The following UBR4 variants were observed in gnomAD, a reference collection of about 807,000 sequenced individuals.
The protein encoded by UBR4 is ubiquitin protein ligase E3 component n-recognin 4, also known as E3 ubiquitin-protein ligase UBR4.
UBR4 carries 124 observed loss-of-function variants against 575.6 expected under a neutral mutation model. The observed-to-expected ratio is 0.22, with a 90% confidence interval of 0.19 to 0.25. The LOEUF (loss-of-function observed/expected upper bound fraction) is 0.25, where lower values mean the gene tolerates loss of function less well. UBR4 is among the 10% of genes least tolerant of loss of function. The pLI is 1.00. For synonymous variants in UBR4, 2,455 were observed against 2,473.7 expected, an observed-to-expected ratio of 0.99 and a Z score of 0.22; for missense variants, 4,818 against 6,478.8, an observed-to-expected ratio of 0.74 and a Z score of 8.80.
Position 19,164,337 on chromosome 1 carries a change from A to C in UBR4, c.4616T>G (p.Val1539Gly). 6.2e-7 allele frequency: 1 copy of C among 1,614,166 alleles called. No homozygotes were observed. Among genetic ancestry groups the C allele is most frequent in the Non-Finnish European group, 8.5e-7 (1 of 1,180,030 alleles). ...TGCACTGGCCAGAGTGGCCATCACA[A>C]CCATAAGTTCAGGGAAGCCAGTCCC... ...GDGTGFPELM[V>G]VMATLASAGQ... The change falls in exon 33 of 106, where the codon GTT becomes GGT. Residue 1539 changes from valine to glycine, a missense_variant. By Grantham distance (109) the Val-to-Gly change is moderately radical. Around this residue, in one of 29 missense-constraint regions of UBR4, gnomAD observed 1,172 missense variants for 1,259.7 expected, o/e 0.93. Coordinates refer to ENST00000375254, the MANE Select transcript of UBR4 (RefSeq NM_020765.3).
chr1:19,155,920 T>C (rs1357749651), intron 42 of UBR4, among the ~76,000 whole-genome samples: 1 of 152,182 alleles, frequency 6.6e-6, no homozygotes, highest in Non-Finnish European at 1.5e-5. Context: ...GTGCACTTGG[T>C]ACAGTGAGGG....
At chr1:19,147,615 CA>C (rs2085048648) in intron 51 of UBR4, among the ~76,000 whole-genome samples, 1 of 152,202 alleles carries the variant, frequency 6.6e-6, no homozygotes, top group Non-Finnish European at 1.5e-5. Flanking sequence ...CCAACAAGTA[CA>C]GTACACTTCT....
Position 19,152,400 on chromosome 1 carries a change from A to C in UBR4, c.6909T>G (p.Phe2303Leu), listed in dbSNP as rs766041424. 6.2e-7 allele frequency: 1 copy of C among 1,613,956 alleles called. No individual in the cohort carries two copies. The highest frequency in any genetic ancestry group is 8.5e-7 in the Non-Finnish European group (1 of 1,179,854). Residue 2303 changes from phenylalanine (F) to leucine (L), a missense_variant, in exon 47 of 106, where the codon TTT becomes TTG. Phe to Leu is a conservative substitution (Grantham distance 22). This residue lies in a region of UBR4 where 461 missense variants were observed against 606.9 expected (regional missense o/e 0.76). Transcript: ENST00000375254. This position sits in a 1 kb window ranked among gnomAD's most constrained non-coding sequence, Gnocchi z 4.4. ...EHNQQLTDVE[F>L]GGNDLLQVYN... ...AGACCTGTAGGAGGTCGTTACCACCAAACTCCACATCTGTCAGCTGCTGGT... is the reference window on the plus strand; with the variant it reads ...AGACCTGTAGGAGGTCGTTACCACCCAACTCCACATCTGTCAGCTGCTGGT...
In UBR4 at chr1:19,197,661, G is replaced by A; in HGVS notation, c.893+9C>T. 1.2e-6 allele frequency: 2 copies of A among 1,613,624 alleles called. No homozygotes were observed. Among genetic ancestry groups the A allele is most frequent in the Non-Finnish European group, 1.7e-6 (2 of 1,179,916 alleles). On this transcript the variant is annotated intron_variant, in intron 7 of 105. Coordinates refer to ENST00000375254, the MANE Select transcript of UBR4 (RefSeq NM_020765.3). ...AAAAGTAAAGCATGTGCACTGTGAA[G>A]CACCTTACCCATTACGAACAGCAGT... is the stretch of plus-strand genomic sequence containing the variant.
rs1027333234 is a variant in UBR4, at chr1:19,123,019, G to T, written c.9630C>A (p.Val3210=). The change falls in exon 66 of 106, where the codon GTC becomes GTA. Residue 3210 remains valine, a synonymous_variant. Transcript: ENST00000375254. ...CACAGATGAAGAGCAGAAGTTTGCG[G>T]ACTTGACGGCGCACAAATGGAGTCT... The part of the protein sequence containing the change: ...IQQTPFVRRQ[V]RKLLLFICGS... 1 of 1,614,210 alleles carries T rather than the reference G, an allele frequency of 6.2e-7. No homozygotes were observed. Among genetic ancestry groups the T allele is most frequent in the South Asian group, 1.1e-5 (1 of 91,082 alleles).
intron 1 of UBR4, among the ~76,000 whole-genome samples, chr1:19,209,839 G>A (rs1231221584): frequency 6.6e-6 from 1 of 152,218 alleles, no homozygotes; most frequent in Non-Finnish European, 1.5e-5. Flanking sequence ...CCCTCCCGCA[G>A]GGAGGCCGCT....
intron 31 of UBR4, 92 bp downstream of exon 31, chr1:19,165,157 T>C: frequency 6.8e-7 from 1 of 1,475,666 alleles, no homozygotes; most frequent in Non-Finnish European, 9.4e-7. Context: ...GTTAGCATTT[T>C]CATGCTGTAG....
chr1:19,141,289 A>G, intron 57 of UBR4, 58 bp downstream of exon 57: 1 of 1,611,890 alleles, frequency 6.2e-7, no homozygotes. Context: ...GTAACTGCCA[A>G]ACCCTCTTTT....
intron 92 of UBR4, 136 bp downstream of exon 92, chr1:19,096,387 C>T: frequency 7.2e-7 from 1 of 1,386,990 alleles, no homozygotes; most frequent in Non-Finnish European, 9.5e-7. Flanking sequence ...CTGCCAGGTC[C>T]TTCACTGGCT....
At chr1:19,091,035 G>A (rs561580088) in intron 97 of UBR4, among the ~76,000 whole-genome samples, 27 of 151,714 alleles carry the variant, frequency 1.8e-4, no homozygotes, top group African/African-American at 3.4e-4. Context: ...GGCAGAGGTT[G>A]CAGTGAGCCG....
chr1:19,151,455 T>G (rs1263132860), intron 48 of UBR4, 188 bp downstream of exon 48: 10 of 659,486 alleles, frequency 1.5e-5, no homozygotes, highest in Non-Finnish European at 2.7e-5. Context: ...GCTACCATGC[T>G]CCGGTGTACT....
chr1:19,149,888 G>C, intron 49 of UBR4: 3 of 1,000,576 alleles, frequency 3.0e-6, no homozygotes, highest in African/African-American at 1.7e-5. Flanking sequence ...TGTATGGATA[G>C]GGCATCGGGG....
In UBR4 at chr1:19,164,355, C is replaced by T. The variant is rs867679774; in HGVS notation, c.4598G>A (p.Gly1533Asp). 15 of 1,614,032 alleles carry T rather than the reference C, an allele frequency of 9.3e-6. No individual in the cohort carries two copies. Among genetic ancestry groups the T allele is most frequent in the African/African-American group, 1.3e-5 (1 of 74,938 alleles). Residue 1533 changes from glycine to aspartate, a missense_variant, in exon 33 of 106, where the codon GGC becomes GAC. By Grantham distance (94) the Gly-to-Asp change is moderately conservative. Transcript: ENST00000375254. ...CATCACAACCATAAGTTCAGGGAAG[C>T]CAGTCCCATCACCGTTGGCCAGCAT... Reference protein sequence around the residue: ...TEMLANGDGTGFPELMVVMAT... With the variant: ...TEMLANGDGTDFPELMVVMAT...
chr1:19,173,146 C>A (rs771091713), intron 24 of UBR4, 35 bp downstream of exon 24: 16 of 1,613,764 alleles, frequency 9.9e-6, no homozygotes, highest in Non-Finnish European at 1.2e-5. Flanking sequence ...ATGGTAGAAA[C>A]CAAGTTCTAT....
chr1:19,141,359 G>T lies in UBR4; in HGVS notation c.8476C>A (p.Gln2826Lys), dbSNP rs2149995750. 6.2e-7 allele frequency: 1 copy of T among 1,614,222 alleles called. No homozygotes were observed. Among genetic ancestry groups the T allele is most frequent in the Non-Finnish European group, 8.5e-7 (1 of 1,180,022 alleles). ...CATGGCCTTCTACCTTGTTGGTCCT[G>T]CTGCAGGCTCAGGGCAATGGCTAGT... ...VELAIALSLQ[Q>K]DQQGSSSSAL... The change falls in exon 57 of 106, where the codon CAG becomes AAG. Residue 2826 changes from glutamine to lysine, a missense_variant. Gln to Lys is a moderately conservative substitution (Grantham distance 53, BLOSUM62 1). Transcript: ENST00000375254.
At chr1:19,115,021 G>A in intron 74 of UBR4, 72 bp from the exon 75 acceptor site, 1 of 1,593,106 alleles carries the variant, frequency 6.3e-7, no homozygotes, top group South Asian at 1.1e-5. Flanking sequence ...TGAGGAAATG[G>A]ATTGTGCCAC....
At position 19,155,661 on chromosome 1, in the gene UBR4, T is replaced by C. The variant is rs2086335220; in HGVS notation, c.6080A>G (p.Asp2027Gly). ...IVTADFVKIY[D>G]LCVDALSPTF... Reference sequence around the variant, plus strand: ...TGGACTCAAGGCATCAACACACAGGTCATAAATCTGCAGGATGGAAGAAAA... The same window carrying C: ...TGGACTCAAGGCATCAACACACAGGCCATAAATCTGCAGGATGGAAGAAAA... Residue 2027 changes from aspartate to glycine, a missense_variant, in exon 43 of 106, where the codon GAC becomes GGC. Physicochemically the swap from Asp to Gly is moderately conservative, Grantham distance 94. This residue lies in a region of UBR4 where 461 missense variants were observed against 606.9 expected (regional missense o/e 0.76). Coordinates refer to ENST00000375254, the MANE Select transcript of UBR4 (RefSeq NM_020765.3). The C allele has an allele frequency of 6.2e-7, 1 of 1,612,842 alleles. No individual in the cohort carries two copies. The highest frequency in any genetic ancestry group is 1.1e-5 in the South Asian group (1 of 91,064).
intron 8 of UBR4, among the ~76,000 whole-genome samples, chr1:19,195,244 G>A (rs1018211110): frequency 3.5e-5 from 5 of 142,646 alleles, no homozygotes; most frequent in South Asian, 4.5e-4. Flanking sequence ...CAGCCTGGGC[G>A]ACTGAGCGAG....
intron 64 of UBR4, 31 bp downstream of exon 64, chr1:19,126,415 G>A (rs758304916): frequency 8.1e-6 from 13 of 1,612,322 alleles, no homozygotes; most frequent in Admixed American, 3.3e-5. Flanking sequence ...AACAAAGGAC[G>A]AGTGTTTCTT....
Sources: allele counts gnomAD v4.1 joint callset (sites outside exome capture counted in the v4.1 genomes callset), GRCh38; gene constraint gnomAD v4.1.1; regional missense constraint gnomAD v4.1.1; non-coding constraint Gnocchi (gnomAD v3.1); transcripts MANE v1.5; gene names NCBI Gene and HGNC (gene_info 2026-07-23, HGNC 2026-07-21).